CEP112: variants seen among roughly 807,000 people sequenced by gnomAD.
The protein encoded by CEP112 is centrosomal protein of 112 kDa.
In CEP112, 127 loss-of-function variants were observed where a neutral mutation model predicts 153.0. That is an observed-to-expected ratio of 0.83 (90% CI 0.72 to 0.96). The LOEUF is 0.96. Ranked by LOEUF, CEP112 falls within the 40% of genes least tolerant of loss-of-function variation. The probability of loss-of-function intolerance (pLI) is 0.00; values close to 1 mark genes in which losing one functional copy is unlikely to be tolerated. For synonymous variants in CEP112, 358 were observed against 374.4 expected (o/e 0.96, Z 0.51); for missense variants, 1,089 against 1,101.2 (o/e 0.99, Z 0.16).
At chr17:66,125,477 C>CT (rs929183186) in intron 6 of CEP112, among the ~76,000 whole-genome samples, 1 of 151,950 alleles carries the variant, frequency 6.6e-6, no homozygotes, top group African/African-American at 2.4e-5. Flanking sequence ...GATCATGCCA[C>CT]TGCACTTTAG....
chr17:66,187,560 C>T (rs1364695119), intron 1 of CEP112, among the ~76,000 whole-genome samples: 1 of 152,164 alleles, frequency 6.6e-6, no homozygotes, highest in Non-Finnish European at 1.5e-5. Flanking sequence ...CTGCTGGCTC[C>T]CCTACTGCCT....
At chr17:66,131,237 ACTT>A (rs1450119357) in intron 5 of CEP112, among the ~76,000 whole-genome samples, 2 of 152,144 alleles carry the variant, frequency 1.3e-5, no homozygotes, top group African/African-American at 4.8e-5. Flanking sequence ...ATTCATTATC[ACTT>A]CTACTAGTGG....
At chr17:65,971,593 ATGCATATTGTG>A (rs59575770) in intron 17 of CEP112, among the ~76,000 whole-genome samples, 60,128 of 150,404 alleles carry the variant, frequency 0.4, 13,643 homozygotes, top group East Asian at 0.87. Context: ...TATTACATGC[ATGCATATTGTG>A]TGCATATTAT....
chr17:66,117,822 A>G (rs923619896), intron 6 of CEP112, among the ~76,000 whole-genome samples: 1 of 152,232 alleles, frequency 6.6e-6, no homozygotes, highest in Non-Finnish European at 1.5e-5. Flanking sequence ...TAATAGGGGG[A>G]AAATCCCTCA....
intron 21 of CEP112, among the ~76,000 whole-genome samples, chr17:65,755,571 G>A (rs960696968): frequency 5.9e-5 from 9 of 151,958 alleles, no homozygotes; most frequent in Non-Finnish European, 1.5e-5. Flanking sequence ...AATGAAGCAA[G>A]TAAGACAGTT....
At chr17:66,140,668 T>C (rs1339443835) in intron 4 of CEP112, among the ~76,000 whole-genome samples, 2 of 152,068 alleles carry the variant, frequency 1.3e-5, no homozygotes, top group Non-Finnish European at 2.9e-5. Context: ...TTTACTGTTA[T>C]TTTTGCTCTT....
chr17:66,142,529 T>C (rs1343364306), intron 4 of CEP112, among the ~76,000 whole-genome samples: 2 of 152,328 alleles, frequency 1.3e-5, no homozygotes, highest in East Asian at 3.9e-4. Context: ...TTTTTGTGTA[T>C]GGTGCAAGAT....
intron 12 of CEP112, among the ~76,000 whole-genome samples, chr17:66,036,831 T>C (rs1409125606): frequency 1.3e-5 from 2 of 152,188 alleles, no homozygotes; most frequent in Non-Finnish European, 1.5e-5. Flanking sequence ...AGACATATCA[T>C]TTCAAAACAT....
At chr17:65,889,315 C>G (rs1050841575) in intron 20 of CEP112, among the ~76,000 whole-genome samples, 2 of 152,186 alleles carry the variant, frequency 1.3e-5, no homozygotes, top group African/African-American at 4.8e-5. Context: ...TGTTCATGGA[C>G]TGCTGTTCAT....
chr17:66,128,080 C>G (rs2069936527), intron 6 of CEP112, among the ~76,000 whole-genome samples: 1 of 152,048 alleles, frequency 6.6e-6, no homozygotes, highest in African/African-American at 2.4e-5. Context: ...GTGGGCAGAT[C>G]ACCTGAGGGT....
At chr17:66,057,269 G>A (rs572867766) in intron 11 of CEP112, among the ~76,000 whole-genome samples, 31 of 152,262 alleles carry the variant, frequency 2.0e-4, no homozygotes, top group African/African-American at 6.3e-4. Flanking sequence ...ACATTCAAAA[G>A]ATGAATAATT....
intron 20 of CEP112, 45 bp downstream of exon 20, chr17:65,902,107 T>C (rs1318081418): frequency 6.7e-7 from 1 of 1,486,534 alleles, no homozygotes. Flanking sequence ...GCTGATGACT[T>C]TTTAAAAACA....
At chr17:66,139,485 C>T (rs941370739) in intron 4 of CEP112, among the ~76,000 whole-genome samples, 1 of 152,008 alleles carries the variant, frequency 6.6e-6, no homozygotes, top group Admixed American at 6.6e-5. Flanking sequence ...GTGGCACACA[C>T]CTGAGGTCCC....
intron 19 of CEP112, among the ~76,000 whole-genome samples, chr17:65,926,669 C>T (rs2060936972): frequency 1.3e-5 from 2 of 151,628 alleles, no homozygotes; most frequent in South Asian, 2.1e-4. Flanking sequence ...ACCAAGATGG[C>T]GCCATTGCAC....
intron 16 of CEP112, among the ~76,000 whole-genome samples, chr17:66,018,226 A>G (rs144262084): frequency 1.1e-3 from 174 of 152,296 alleles, no homozygotes; most frequent in African/African-American, 3.2e-3. Flanking sequence ...GATACATAAT[A>G]TATTTTCAAA....
chr17:65,716,421 A>G (rs918513889), intron 23 of CEP112, among the ~76,000 whole-genome samples: 1 of 152,104 alleles, frequency 6.6e-6, no homozygotes, highest in East Asian at 1.9e-4. Context: ...TTGGCCTCCC[A>G]AAGTGCTAGG....
chr17:66,171,937 C>T (rs973836950), intron 4 of CEP112, among the ~76,000 whole-genome samples: 1 of 152,102 alleles, frequency 6.6e-6, no homozygotes, highest in African/African-American at 2.4e-5. Flanking sequence ...TGAAGGGAAT[C>T]GCTATAAACT....
At chr17:65,674,901 A>G (rs1471664148) in intron 24 of CEP112, among the ~76,000 whole-genome samples, 1 of 152,238 alleles carries the variant, frequency 6.6e-6, no homozygotes, top group Admixed American at 6.5e-5. Flanking sequence ...GCTCCAGATC[A>G]TGGTTACGAG....
At chr17:66,074,346 T>C (rs2067405751) in intron 8 of CEP112, among the ~76,000 whole-genome samples, 2 of 152,014 alleles carry the variant, frequency 1.3e-5, no homozygotes, top group Non-Finnish European at 2.9e-5. Context: ...TTGGAAACTG[T>C]GAAACAAAAT....
Sources: allele counts gnomAD v4.1 joint callset (sites outside exome capture counted in the v4.1 genomes callset), GRCh38; gene constraint gnomAD v4.1.1; transcripts MANE v1.5; gene names NCBI Gene and HGNC (gene_info 2026-07-23, HGNC 2026-07-21).